Variants in CLPB observed in about 807,000 individuals in gnomAD.
CLPB encodes the protein ClpB family mitochondrial disaggregase.
A neutral mutation model predicts 78.4 loss-of-function variants in CLPB; 40 were observed. That is an observed-to-expected ratio of 0.51 (90% CI 0.40 to 0.66). The LOEUF (loss-of-function observed/expected upper bound fraction) is 0.66, where lower values mean the gene tolerates loss of function less well. Among genes scored for constraint, CLPB ranks in the 30% least tolerant of loss-of-function variants. The pLI is 0.00. For missense variants in CLPB, 780 were observed against 886.9 expected (o/e 0.88, Z 1.53); for synonymous variants, 333 against 348.0 (o/e 0.96, Z 0.48).
At chr11:72,350,492 A>G (rs892434340) in intron 5 of CLPB, among the ~76,000 whole-genome samples, 2 of 152,244 alleles carry the variant, frequency 1.3e-5, no homozygotes, top group Non-Finnish European at 2.9e-5. Context: ...CTAGCAATTT[A>G]GCTAATAATT....
Position 72,354,135 on chromosome 11 carries a change from G to T in CLPB, c.775+4745C>A, listed in dbSNP as rs1251492636. ...GCCCTGGATCACATAGCTATTAAAT[G>T]GCAGGGCTGGTACCAAGATCCTGAC... is the stretch of plus-strand genomic sequence containing the variant. On this transcript the variant is annotated intron_variant, in intron 5 of 15. Coordinates refer to ENST00000538039, the MANE Select transcript of CLPB (RefSeq NM_001258392.3). 2.0e-5 allele frequency: 7 copies of T among 353,034 alleles called. No individual in the cohort carries two copies. In the Admixed American group the frequency reaches 2.8e-4, roughly 14 times the overall value. 21.9% of individuals were successfully genotyped at this position (353,034 alleles called of 1,614,324 possible). A position where few individuals can be genotyped will look rare whatever the true frequency, so the allele number is the denominator to read the frequency against.
At chr11:72,386,013 A>G (rs1163930662) in intron 3 of CLPB, among the ~76,000 whole-genome samples, 1 of 152,214 alleles carries the variant, frequency 6.6e-6, no homozygotes, top group East Asian at 1.9e-4. Flanking sequence ...CAAAAAGTAT[A>G]AGCATTTTAA....
intron 8 of CLPB, among the ~76,000 whole-genome samples, chr11:72,307,675 T>G (rs1469679532): frequency 6.6e-6 from 1 of 152,142 alleles, no homozygotes; most frequent in Admixed American, 6.5e-5. Flanking sequence ...ACATGGCAGA[T>G]AGAGGGTGGG....
At position 72,312,347 on chromosome 11, in the gene CLPB, GAT is replaced by G. The variant is rs1949862040; in HGVS notation, c.989-3745_989-3744del. Among the ~76,000 whole-genome samples, 1 of 152,174 alleles carries G rather than the reference GAT, an allele frequency of 6.6e-6. No homozygotes were observed. Among genetic ancestry groups the G allele is most frequent in the African/African-American group, 2.4e-5 (1 of 41,444 alleles). ...ACTCTTTCATCCTCCTAATAATCCT[GAT>G]AAGTAGGTGTTATCTCCATTTTACA... On this transcript the variant is annotated intron_variant, in intron 7 of 15. Coordinates refer to ENST00000538039, the MANE Select transcript of CLPB (RefSeq NM_001258392.3). The surrounding 1 kb of genome is among the most constrained non-coding windows in gnomAD (Gnocchi z 4.2).
chr11:72,358,198 G>C (rs1950757677), intron 5 of CLPB, among the ~76,000 whole-genome samples: 1 of 152,190 alleles, frequency 6.6e-6, no homozygotes, highest in South Asian at 2.1e-4. Flanking sequence ...TTCTCCAAAG[G>C]GAGGGTATTC....
At chr11:72,426,819 A>G (rs78789130) in intron 2 of CLPB, among the ~76,000 whole-genome samples, 7,081 of 152,240 alleles carry the variant, frequency 0.047, 494 homozygotes, top group African/African-American at 0.14. Flanking sequence ...TTCTTCATAT[A>G]AAGAACAGTG....
At position 72,298,021 on chromosome 11, in the gene CLPB, C is replaced by T. The variant is rs536252897; in HGVS notation, c.1330-2373G>A. Among the ~76,000 whole-genome samples, 30 of 152,238 alleles carry T rather than the reference C, an allele frequency of 2.0e-4. No individual in the cohort carries two copies. The South Asian group carries it at 2.7e-3, about 14-fold the overall frequency. Reference sequence around the variant, plus strand: ...CCTCACCTCCCTCTAACAACCAGAGCGTGCACATCTTGGGTGGGGCTTGAA... The same window carrying T: ...CCTCACCTCCCTCTAACAACCAGAGTGTGCACATCTTGGGTGGGGCTTGAA... On this transcript the variant is annotated intron_variant, in intron 11 of 15. Coordinates refer to ENST00000538039, the MANE Select transcript of CLPB (RefSeq NM_001258392.3).
intron 5 of CLPB, chr11:72,337,137 G>C: frequency 2.5e-6 from 1 of 398,714 alleles, no homozygotes; most frequent in East Asian, 3.6e-5. Context: ...CTGAAGGTGA[G>C]AGAGAAGAGA....
At chr11:72,354,292 T>C (rs1487142422) in intron 5 of CLPB, 6 of 397,446 alleles carry the variant, frequency 1.5e-5, no homozygotes, top group Non-Finnish European at 2.2e-5. Flanking sequence ...TATATATATA[T>C]ATATATAGCT....
chr11:72,411,189 A>G (rs1177246597), intron 2 of CLPB, among the ~76,000 whole-genome samples: 1 of 152,208 alleles, frequency 6.6e-6, no homozygotes, highest in Non-Finnish European at 1.5e-5. Flanking sequence ...TGAATGAATG[A>G]ATGTCTACAG....
At chr11:72,405,094 G>C (rs755046678) in intron 2 of CLPB, among the ~76,000 whole-genome samples, 11 of 152,300 alleles carry the variant, frequency 7.2e-5, no homozygotes, top group Admixed American at 3.9e-4. Context: ...AATCAGGATA[G>C]GCTGAAGAAA....
At chr11:72,301,091 C>T (rs568130788) in intron 11 of CLPB, among the ~76,000 whole-genome samples, 2 of 152,250 alleles carry the variant, frequency 1.3e-5, no homozygotes, top group African/African-American at 4.8e-5. Flanking sequence ...TTCTCCCTTG[C>T]CTGTTAGGAA....
chr11:72,430,895 A>G (rs1430966835), intron 1 of CLPB, among the ~76,000 whole-genome samples: 1 of 151,876 alleles, frequency 6.6e-6, no homozygotes, highest in Non-Finnish European at 1.5e-5. Flanking sequence ...GCTCCATTCC[A>G]CTCCCACTAC....
At chr11:72,350,527 C>A (rs1257829421) in intron 5 of CLPB, among the ~76,000 whole-genome samples, 1 of 152,110 alleles carries the variant, frequency 6.6e-6, no homozygotes, top group African/African-American at 2.4e-5. Context: ...TAATTATTTG[C>A]CTAACATCTA....
intron 2 of CLPB, among the ~76,000 whole-genome samples, chr11:72,422,038 C>A (rs893304160): frequency 1.3e-5 from 2 of 150,928 alleles, no homozygotes; most frequent in African/African-American, 4.9e-5. Flanking sequence ...GAGGCCAAGG[C>A]GGGCGGATCA....
At chr11:72,431,877 C>T (rs903204755) in intron 1 of CLPB, among the ~76,000 whole-genome samples, 9 of 152,192 alleles carry the variant, frequency 5.9e-5, no homozygotes, top group South Asian at 2.1e-4. Flanking sequence ...GAACTGGTCA[C>T]GGCTTTGACC....
At chr11:72,365,214 TCAGGAGG>T (rs1950920662) in intron 4 of CLPB, among the ~76,000 whole-genome samples, 1 of 152,096 alleles carries the variant, frequency 6.6e-6, no homozygotes, top group South Asian at 2.1e-4. Context: ...TCCTAGCAAC[TCAGGAGG>T]CTGAGATGGA....
chr11:72,408,666 C>CAAAA (rs576990524), intron 2 of CLPB, among the ~76,000 whole-genome samples: 7 of 64,206 alleles, frequency 1.1e-4, no homozygotes, highest in Non-Finnish European at 1.8e-4. Context: ...GACTCTGTCT[C>CAAAA]AAAAAAAAAA....
intron 7 of CLPB, among the ~76,000 whole-genome samples, chr11:72,314,975 C>T (rs1949915740): frequency 1.3e-5 from 2 of 152,234 alleles, no homozygotes; most frequent in Non-Finnish European, 2.9e-5. Context: ...TTGCAAAGAT[C>T]ACTCCAACTG....
Sources: allele counts gnomAD v4.1 joint callset (sites outside exome capture counted in the v4.1 genomes callset), GRCh38; gene constraint gnomAD v4.1.1; non-coding constraint Gnocchi (gnomAD v3.1); transcripts MANE v1.5; gene names NCBI Gene and HGNC (gene_info 2026-07-23, HGNC 2026-07-21).